ASCC3: variants seen among roughly 807,000 people sequenced by gnomAD.
ASCC3 encodes activating signal cointegrator 1 complex subunit 3.
ASCC3 carries 158 observed loss-of-function variants against 256.3 expected under a neutral mutation model. That is an observed-to-expected ratio of 0.62 (90% CI 0.54 to 0.70). ASCC3 has a LOEUF of 0.70. ASCC3 is among the 30% of genes least tolerant of loss of function. The pLI, the probability that ASCC3 is intolerant of heterozygous loss-of-function variation, is 0.00. For missense variants in ASCC3, 2,259 were observed against 2,626.0 expected (o/e 0.86, Z 3.05); for synonymous variants, 948 against 883.4 (o/e 1.07, Z -1.30).
chr6:100,831,361 A>C (rs1771611600), intron 4 of ASCC3, among the ~76,000 whole-genome samples: 1 of 151,924 alleles, frequency 6.6e-6, no homozygotes. Context: ...AAAAAGGTAC[A>C]CTTGAACTTA....
At chr6:100,722,518 C>T (rs917512382) in intron 11 of ASCC3, among the ~76,000 whole-genome samples, 1 of 151,682 alleles carries the variant, frequency 6.6e-6, no homozygotes, top group African/African-American at 2.4e-5. Flanking sequence ...TGCATATGCA[C>T]CCAATTCTAC....
intron 10 of ASCC3, among the ~76,000 whole-genome samples, chr6:100,762,055 T>C (rs1400325209): frequency 6.6e-6 from 1 of 152,156 alleles, no homozygotes; most frequent in Non-Finnish European, 1.5e-5. Flanking sequence ...ACCCACACCC[T>C]GTCAACCACA....
chr6:100,580,577 TTTATTATTA>T (rs369397234), intron 36 of ASCC3, among the ~76,000 whole-genome samples: 2 of 150,982 alleles, frequency 1.3e-5, no homozygotes, highest in African/African-American at 2.4e-5. Context: ...ATAAAAATCT[TTTATTATTA>T]TTATTATTAT....
At chr6:100,630,081 G>A (rs889758544) in intron 26 of ASCC3, among the ~76,000 whole-genome samples, 2 of 151,748 alleles carry the variant, frequency 1.3e-5, no homozygotes, top group Non-Finnish European at 1.5e-5. Flanking sequence ...GTAGAGATGG[G>A]GTTTCACTAT....
chr6:100,699,088 G>C (rs1046997337), intron 13 of ASCC3, among the ~76,000 whole-genome samples: 1 of 152,096 alleles, frequency 6.6e-6, no homozygotes, highest in Non-Finnish European at 1.5e-5. Flanking sequence ...TACATGGTAG[G>C]CTATATCATC....
Position 100,848,471 on chromosome 6 carries a change from T to TATCGCC in ASCC3, c.472_477dup (p.Gly158_Asp159dup), listed in dbSNP as rs1199749412. On this transcript the variant is annotated inframe_insertion, in exon 4 of 42. Coordinates refer to ENST00000369162, the MANE Select transcript of ASCC3 (RefSeq NM_006828.4). ...GCTAAATTTTTACCAAAAAAAACCC[T>TATCGCC]ATCGCCATGTTCTTTTTCTGTCATC... 1.2e-6 allele frequency: 2 copies of TATCGCC among 1,612,812 alleles called. No individual in the cohort carries two copies. Among genetic ancestry groups the TATCGCC allele is most frequent in the South Asian group, 2.2e-5 (2 of 90,856 alleles).
intron 1 of ASCC3, among the ~76,000 whole-genome samples, chr6:100,874,150 T>C (rs1773875599): frequency 6.6e-6 from 1 of 152,148 alleles, no homozygotes; most frequent in African/African-American, 2.4e-5. Context: ...TGGATGTTAA[T>C]GAAGTTTACA....
At chr6:100,516,366 C>A in intron 38 of ASCC3, 39 bp from the exon 39 acceptor site, 1 of 1,611,882 alleles carries the variant, frequency 6.2e-7, no homozygotes, top group Non-Finnish European at 8.5e-7. Context: ...AATTGTTTCA[C>A]AGCACAAAGA....
At chr6:100,605,507 C>T (rs893513701) in intron 33 of ASCC3, 61 bp downstream of exon 33, 3 of 1,245,726 alleles carry the variant, frequency 2.4e-6, no homozygotes, top group Non-Finnish European at 3.4e-6. Flanking sequence ...TAAAATATAA[C>T]CAGAAAAACA....
chr6:100,520,809 T>C (rs1488995622), intron 37 of ASCC3, among the ~76,000 whole-genome samples: 3 of 152,178 alleles, frequency 2.0e-5, no homozygotes, highest in African/African-American at 4.8e-5. Flanking sequence ...GTACTCTCTA[T>C]GATGTTCACA....
intron 1 of ASCC3, among the ~76,000 whole-genome samples, chr6:100,879,192 G>A (rs1240586100): frequency 1.3e-5 from 2 of 152,184 alleles, no homozygotes; most frequent in East Asian, 3.8e-4. Flanking sequence ...TTTCCATGCA[G>A]AACTTCCAAG....
At chr6:100,583,981 T>C (rs1042494456) in intron 36 of ASCC3, among the ~76,000 whole-genome samples, 2 of 152,168 alleles carry the variant, frequency 1.3e-5, no homozygotes, top group African/African-American at 2.4e-5. Flanking sequence ...TTGTTTTACA[T>C]TTGCTGAGGA....
intron 40 of ASCC3, among the ~76,000 whole-genome samples, chr6:100,511,963 C>G (rs902738876): frequency 6.6e-6 from 1 of 152,064 alleles, no homozygotes. Flanking sequence ...TCCACTGGAC[C>G]AAAAAGAAGA....
chr6:100,576,155 T>C (rs545573744), intron 36 of ASCC3, among the ~76,000 whole-genome samples: 11 of 152,114 alleles, frequency 7.2e-5, no homozygotes, highest in African/African-American at 2.6e-4. Context: ...CGGTTAACAG[T>C]AGAGGTGTGA....
intron 30 of ASCC3, among the ~76,000 whole-genome samples, chr6:100,615,280 T>C (rs969224612): frequency 2.6e-5 from 4 of 152,184 alleles, no homozygotes; most frequent in African/African-American, 9.7e-5. Context: ...GCCCAGCTAC[T>C]GATTTTTCTT....
chr6:100,855,270 T>C (rs1035371394), intron 3 of ASCC3, among the ~76,000 whole-genome samples: 3 of 152,082 alleles, frequency 2.0e-5, no homozygotes, highest in Non-Finnish European at 4.4e-5. Flanking sequence ...TGCACTACCA[T>C]GCCTGGCTAA....
chr6:100,873,669 C>G (rs751316874), intron 1 of ASCC3, among the ~76,000 whole-genome samples: 4 of 152,206 alleles, frequency 2.6e-5, no homozygotes, highest in Non-Finnish European at 2.9e-5. Context: ...ATCACATTAA[C>G]AGCAGATTTC....
chr6:100,512,639 ACAGAT>A, intron 40 of ASCC3, 65 bp downstream of exon 40: 1 of 1,423,594 alleles, frequency 7.0e-7, no homozygotes, highest in Middle Eastern at 1.7e-4. Context: ...TAGTCACATA[ACAGAT>A]ATGTGTGGTG....
intron 33 of ASCC3, among the ~76,000 whole-genome samples, chr6:100,604,391 T>C (rs1772780879): frequency 2.0e-5 from 3 of 151,974 alleles, no homozygotes; most frequent in African/African-American, 7.2e-5. Context: ...TTTCTTTGAG[T>C]TTAATTCGCT....
Sources: gnomAD v4.1 joint callset for allele counts (sites outside exome capture counted in the v4.1 genomes callset) on GRCh38, gnomAD v4.1.1 for gene constraint, MANE v1.5 for transcripts, NCBI Gene and HGNC (gene_info 2026-07-23, HGNC 2026-07-21) for gene names.